Variants in RGS6 observed in about 807,000 individuals in gnomAD.
RGS6 encodes the protein regulator of G protein signaling 6, also known as regulator of G-protein signaling 6.
RGS6 carries 30 observed loss-of-function variants against 78.5 expected under a neutral mutation model. The ratio of observed to expected loss-of-function variants is 0.38; its 90% CI spans 0.29 to 0.52. The LOEUF (loss-of-function observed/expected upper bound fraction) is 0.52, where lower values mean the gene tolerates loss of function less well. Among genes scored for constraint, RGS6 ranks in the 20% least tolerant of loss-of-function variants. The pLI, the probability that RGS6 is intolerant of heterozygous loss-of-function variation, is 0.85. For synonymous variants in RGS6, 206 were observed against 206.0 expected, an observed-to-expected ratio of 1.00 and a Z score of 0.00; for missense variants, 495 against 609.7, an observed-to-expected ratio of 0.81 and a Z score of 1.98.
rs912937974 is a variant in RGS6 at position 71,977,804 on chromosome 14, G to T, written c.84+12929G>T. Among the ~76,000 whole-genome samples the T allele has an allele frequency of 1.6e-4, 25 of 151,964 alleles. No individual in the cohort carries two copies. In the East Asian group the frequency reaches 2.3e-3, roughly 14 times the overall value. ...GTTTTTTCCAATTCTGTGAAGAAAG[G>T]CATTGGTAGCTTGATGGGGATGGCA... On this transcript the variant is annotated intron_variant, in intron 2 of 17. Coordinates refer to ENST00000553525, the MANE Select transcript of RGS6 (RefSeq NM_001204424.2).
At chr14:71,949,469 C>A (rs2092029473) in intron 1 of RGS6, among the ~76,000 whole-genome samples, 1 of 152,014 alleles carries the variant, frequency 6.6e-6, no homozygotes, top group African/African-American at 2.4e-5. Context: ...TTGTCTTTTG[C>A]AGTGCCTATT....
chr14:72,218,455 A>C (rs1419782297), intron 2 of RGS6, among the ~76,000 whole-genome samples: 4 of 152,128 alleles, frequency 2.6e-5, no homozygotes, highest in African/African-American at 9.7e-5. Context: ...ATGCTGTATC[A>C]GTATATTAAT....
intron 2 of RGS6, among the ~76,000 whole-genome samples, chr14:72,172,911 G>A (rs545864523): frequency 3.9e-5 from 6 of 152,308 alleles, no homozygotes; most frequent in East Asian, 1.9e-4. Flanking sequence ...AGGACTGCAC[G>A]AGCTCTCCCA....
At chr14:72,338,442 G>C (rs939375) in intron 2 of RGS6, among the ~76,000 whole-genome samples, 60,241 of 151,880 alleles carry the variant, frequency 0.4, 12,349 homozygotes, top group African/African-American at 0.5. Flanking sequence ...AGAACAGTAG[G>C]GGGGAAACCC....
chr14:72,345,272 TG>T (rs2077800181), intron 2 of RGS6, among the ~76,000 whole-genome samples: 1 of 152,176 alleles, frequency 6.6e-6, no homozygotes, highest in Non-Finnish European at 1.5e-5. Context: ...TCTGCAGCAA[TG>T]TCAGCACCAC....
chr14:72,252,125 CT>C (rs2055953545), intron 2 of RGS6, among the ~76,000 whole-genome samples: 1 of 152,150 alleles, frequency 6.6e-6, no homozygotes, highest in African/African-American at 2.4e-5. Flanking sequence ...GAATTCAGAC[CT>C]GTGGAAGATC....
At chr14:72,557,152 C>T (rs545719745) in intron 17 of RGS6, among the ~76,000 whole-genome samples, 2 of 152,278 alleles carry the variant, frequency 1.3e-5, no homozygotes, top group African/African-American at 4.8e-5. Context: ...TTCCATAGCC[C>T]GGTTTTTCCA....
chr14:72,132,571 G>A (rs977514388), intron 2 of RGS6, among the ~76,000 whole-genome samples: 9 of 152,006 alleles, frequency 5.9e-5, no homozygotes, highest in Non-Finnish European at 7.4e-5. Context: ...GAGCCACCAC[G>A]CCTGGCCCCA....
chr14:72,397,072 A>G lies in RGS6; in HGVS notation c.184+44878A>G, dbSNP rs568895207. Among the ~76,000 whole-genome samples, 242 of 152,258 alleles carry G rather than the reference A, an allele frequency of 1.6e-3. 3 individuals carry two copies. The highest frequency in any genetic ancestry group is 0.012 in the South Asian group (60 of 4,814). On this transcript the variant is annotated intron_variant, in intron 3 of 17. Transcript: ENST00000553525. ...ATGAACCTTAAAGTAGTTTTTTCCA[A>G]TTCTGTGAAGAAAGTCATTGGTAGC... is the stretch of plus-strand genomic sequence containing the variant.
At chr14:72,406,725 G>A (rs2092959210) in intron 3 of RGS6, among the ~76,000 whole-genome samples, 1 of 152,166 alleles carries the variant, frequency 6.6e-6, no homozygotes, top group Non-Finnish European at 1.5e-5. Flanking sequence ...AACAGTATAG[G>A]TATGTTCATC....
At chr14:72,617,593 G>A in the RGS6 span, among the ~76,000 whole-genome samples, 1 of 152,216 alleles carries the variant, frequency 6.6e-6, no homozygotes, top group Non-Finnish European at 1.5e-5. Context: ...CTGCAGGAGA[G>A]TGACCCCCAT....
At chr14:72,545,965 G>A (rs1400181716) in intron 17 of RGS6, among the ~76,000 whole-genome samples, 5 of 152,264 alleles carry the variant, frequency 3.3e-5, no homozygotes, top group Admixed American at 6.5e-5. Context: ...CCCCAGGGTC[G>A]GTGTTGCCGC....
At chr14:71,993,516 A>G (rs1221685633) in intron 2 of RGS6, among the ~76,000 whole-genome samples, 1 of 152,156 alleles carries the variant, frequency 6.6e-6, no homozygotes, top group African/African-American at 2.4e-5. Flanking sequence ...TGATAATCTT[A>G]TGTCATAGAT....
chr14:72,429,660 C>T (rs1429282522), intron 3 of RGS6, among the ~76,000 whole-genome samples: 1 of 152,088 alleles, frequency 6.6e-6, no homozygotes, highest in African/African-American at 2.4e-5. Flanking sequence ...TGCACAGGTG[C>T]CATAGGATAG....
chr14:72,026,516 G>A (rs938127085), intron 2 of RGS6, among the ~76,000 whole-genome samples: 6 of 152,196 alleles, frequency 3.9e-5, no homozygotes, highest in East Asian at 3.8e-4. Flanking sequence ...ACTGACCAGT[G>A]TCAAATCCTT....
In RGS6 at chr14:72,249,869, A is replaced by T. The variant is rs182270585; in HGVS notation, c.85-102226A>T. Among the ~76,000 whole-genome samples, 39 of 152,264 alleles carry T rather than the reference A, an allele frequency of 2.6e-4. 1 individual carries two copies. The East Asian group carries it at 7.3e-3, about 29-fold the overall frequency. On this transcript the variant is annotated intron_variant, in intron 2 of 17. Transcript: ENST00000553525. ...TGTCCAACAATGATAGACTGGATTA[A>T]GAAAATGTGGCACATATACACCATG...
chr14:72,478,723 G>A (rs2096298221), intron 12 of RGS6, among the ~76,000 whole-genome samples: 1 of 152,196 alleles, frequency 6.6e-6, no homozygotes, highest in Non-Finnish European at 1.5e-5. Flanking sequence ...TTGAGGTGCT[G>A]GCTGCATAGA....
intron 12 of RGS6, among the ~76,000 whole-genome samples, chr14:72,482,460 C>T (rs1256939073): frequency 6.6e-6 from 1 of 152,178 alleles, no homozygotes; most frequent in East Asian, 1.9e-4. Context: ...CACCCCAAAA[C>T]TCAGTGGCTT....
At chr14:72,236,723 C>T (rs143289274) in intron 2 of RGS6, among the ~76,000 whole-genome samples, 3 of 152,044 alleles carry the variant, frequency 2.0e-5, no homozygotes, top group Admixed American at 6.6e-5. Context: ...GTGAGGGGGC[C>T]GGGCAGAGGT....
Sources: gnomAD v4.1 joint callset for allele counts (sites outside exome capture counted in the v4.1 genomes callset) on GRCh38, gnomAD v4.1.1 for gene constraint, MANE v1.5 for transcripts, NCBI Gene and HGNC (gene_info 2026-07-23, HGNC 2026-07-21) for gene names.